Variants in MOB3B observed in about 807,000 individuals in gnomAD.
MOB3B encodes MOB kinase activator-like 2B.
MOB3B carries 7 observed loss-of-function variants against 18.7 expected under a neutral mutation model. The observed-to-expected ratio is 0.37, with a 90% CI of 0.21 to 0.70. The LOEUF (loss-of-function observed/expected upper bound fraction) is 0.70. MOB3B is among the 30% of genes least tolerant of loss of function. The pLI is 0.52. For synonymous variants in MOB3B, 111 were observed against 99.9 expected (o/e 1.11, Z -0.66); for missense variants, 253 against 281.3 (o/e 0.90, Z 0.72).
At position 27,444,686 on chromosome 9, in the gene MOB3B, G is replaced by A. The variant is rs530409689; in HGVS notation, c.418+10447C>T. 9.4e-4 allele frequency among the ~76,000 whole-genome samples: 143 copies of A among 152,312 alleles called. 1 individual carries two copies. Among genetic ancestry groups the A allele is most frequent in the African/African-American group, 3.3e-3 (139 of 41,582 alleles). The stretch of plus-strand genomic sequence containing the variant: ...ACTCTGTAGCTTTGTAGTTAGGCAA[G>A]TCTGGATTCTAAACCTGGATCAACC... On this transcript the variant is annotated intron_variant, in intron 2 of 3. Coordinates refer to ENST00000262244, the MANE Select transcript of MOB3B (RefSeq NM_024761.5).
intron 2 of MOB3B, among the ~76,000 whole-genome samples, chr9:27,365,667 C>T (rs1366985270): frequency 6.6e-6 from 1 of 152,178 alleles, no homozygotes; most frequent in African/African-American, 2.4e-5. Context: ...CTACCCTGAG[C>T]TACCACCAGT....
In MOB3B at chr9:27,328,365, G is replaced by A. The variant is rs990587153; in HGVS notation, c.*2222C>T. On this transcript the variant is annotated 3_prime_UTR_variant, in exon 4 of 4. Coordinates refer to ENST00000262244, the MANE Select transcript of MOB3B (RefSeq NM_024761.5). Reference sequence around the variant, plus strand: ...TTTCTTCAGAATGTGCCAAAGTTCTGTGGGAACAGGAATATTCTGTGATTA... The same window carrying A: ...TTTCTTCAGAATGTGCCAAAGTTCTATGGGAACAGGAATATTCTGTGATTA... The A allele has an allele frequency of 6.6e-6, 1 of 150,700 alleles. No homozygotes were observed. The highest frequency in any genetic ancestry group is 1.5e-5 in the Non-Finnish European group (1 of 67,854). 9.3% of individuals were successfully genotyped at this position (150,700 alleles called of 1,614,324 possible).
chr9:27,483,003 A>G (rs1819683943), intron 1 of MOB3B, among the ~76,000 whole-genome samples: 1 of 152,144 alleles, frequency 6.6e-6, no homozygotes, highest in South Asian at 2.1e-4. Flanking sequence ...CTTGCAGTTT[A>G]ATATCTTTAA....
At chr9:27,390,892 C>T (rs1821718791) in intron 2 of MOB3B, among the ~76,000 whole-genome samples, 1 of 152,144 alleles carries the variant, frequency 6.6e-6, no homozygotes, top group Admixed American at 6.5e-5. Context: ...AGCTTCCTCC[C>T]CGCTTCCACC....
intron 1 of MOB3B, among the ~76,000 whole-genome samples, chr9:27,476,957 G>C (rs966246567): frequency 1.3e-5 from 2 of 152,130 alleles, no homozygotes; most frequent in African/African-American, 4.8e-5. Context: ...TCTTGAAACA[G>C]CACAGCCCTG....
intron 1 of MOB3B, among the ~76,000 whole-genome samples, chr9:27,473,275 G>A (rs1049677240): frequency 6.6e-6 from 1 of 152,186 alleles, no homozygotes; most frequent in African/African-American, 2.4e-5. Flanking sequence ...TCATCTAGCG[G>A]AGTAATCTTG....
intron 2 of MOB3B, among the ~76,000 whole-genome samples, chr9:27,443,696 T>A (rs185925619): frequency 6.6e-6 from 1 of 152,202 alleles, no homozygotes; most frequent in Non-Finnish European, 1.5e-5. Flanking sequence ...TACACCCACC[T>A]TGAGTTGCCC....
chr9:27,470,791 T>C (rs893166185), intron 1 of MOB3B, among the ~76,000 whole-genome samples: 2 of 152,218 alleles, frequency 1.3e-5, no homozygotes, highest in African/African-American at 2.4e-5. Flanking sequence ...CTGCCATCCC[T>C]GCCGCACTCA....
chr9:27,406,845 C>CTT (rs879366559), intron 2 of MOB3B, among the ~76,000 whole-genome samples: 8 of 143,988 alleles, frequency 5.6e-5, no homozygotes, highest in African/African-American at 2.0e-4. Flanking sequence ...TTCTTTTTTT[C>CTT]TTTTTTTTTT....
intron 1 of MOB3B, among the ~76,000 whole-genome samples, chr9:27,466,702 G>A (rs536245593): frequency 6.6e-6 from 1 of 152,318 alleles, no homozygotes; most frequent in Admixed American, 6.5e-5. Context: ...AAGAGAAAAT[G>A]AGGAAGAAGC....
At chr9:27,378,634 C>T (rs895729103) in intron 2 of MOB3B, 3 of 471,052 alleles carry the variant, frequency 6.4e-6, no homozygotes, top group African/African-American at 4.0e-5. Context: ...CTGGTCCATT[C>T]TCCCAGCCCT....
chr9:27,526,619 T>C (rs1316183241), intron 1 of MOB3B: 1 of 152,202 alleles, frequency 6.6e-6, no homozygotes. Flanking sequence ...TTAATATACA[T>C]TTTCTGAATG....
chr9:27,419,068 A>AAT (rs1326737796), intron 2 of MOB3B, among the ~76,000 whole-genome samples: 2 of 151,780 alleles, frequency 1.3e-5, no homozygotes, highest in Non-Finnish European at 1.5e-5. Context: ...TGCAAAAAAA[A>AAT]AAAAAAAAGA....
intron 1 of MOB3B, among the ~76,000 whole-genome samples, chr9:27,513,943 G>C (rs1373644010): frequency 6.6e-6 from 1 of 151,494 alleles, no homozygotes; most frequent in African/African-American, 2.4e-5. Flanking sequence ...TGGGTGGATG[G>C]ATGGAATAAA....
intron 3 of MOB3B, among the ~76,000 whole-genome samples, chr9:27,340,878 CCTT>C (rs1210844335): frequency 1.3e-5 from 2 of 152,254 alleles, no homozygotes; most frequent in Non-Finnish European, 2.9e-5. Context: ...CTGCCTCCCT[CCTT>C]CTCATACCCA....
At position 27,455,299 on chromosome 9, in the gene MOB3B, C is replaced by G; in HGVS notation, c.252G>C (p.Glu84Asp). Residue 84 changes from glutamate to aspartate, a missense_variant, in exon 2 of 4, where the codon GAG becomes GAC. Transcript: ENST00000262244. ...CCCCTGACATCACAGGACAGGTCCGCTCGGTGCAGAACTCACAGATGGTGC... is the reference window on the plus strand; with the variant it reads ...CCCCTGACATCACAGGACAGGTCCGGTCGGTGCAGAACTCACAGATGGTGC... ...IYGTICEFCT[E>D]RTCPVMSGGP... 1 of 1,614,158 alleles carries G rather than the reference C, an allele frequency of 6.2e-7. No homozygotes were observed. Among genetic ancestry groups the G allele is most frequent in the South Asian group, 1.1e-5 (1 of 91,070 alleles).
chr9:27,368,456 G>A (rs774242897), intron 2 of MOB3B, among the ~76,000 whole-genome samples: 3 of 151,974 alleles, frequency 2.0e-5, no homozygotes, highest in Non-Finnish European at 4.4e-5. Flanking sequence ...TGCGAGGATT[G>A]ATTCCTCTTA....
At chr9:27,366,417 C>T (rs1258712155) in intron 2 of MOB3B, among the ~76,000 whole-genome samples, 1 of 152,188 alleles carries the variant, frequency 6.6e-6, no homozygotes, top group African/African-American at 2.4e-5. Flanking sequence ...TTCCCTCCTG[C>T]CCCTCCCTTC....
chr9:27,343,157 G>C (rs1182114564), intron 3 of MOB3B, among the ~76,000 whole-genome samples: 1 of 151,722 alleles, frequency 6.6e-6, no homozygotes, highest in Non-Finnish European at 1.5e-5. Flanking sequence ...TTGGGATGCT[G>C]TTAATCTATA....
Sources: allele counts gnomAD v4.1 joint callset (sites outside exome capture counted in the v4.1 genomes callset), GRCh38; gene constraint gnomAD v4.1.1; transcripts MANE v1.5; gene names NCBI Gene and HGNC (gene_info 2026-07-23, HGNC 2026-07-21).